Variants in CFAP97 observed in about 807,000 individuals in gnomAD.
CFAP97 encodes the protein cilia- and flagella-associated protein 97.
CFAP97 carries 36 observed loss-of-function variants against 43.1 expected under a neutral mutation model. The observed-to-expected ratio is 0.84, with a 90% CI of 0.64 to 1.10. CFAP97 has a LOEUF of 1.10. CFAP97 is among the 50% of genes least tolerant of loss of function. The probability of loss-of-function intolerance (pLI) is 0.00; values close to 1 mark genes in which losing one functional copy is unlikely to be tolerated. For synonymous variants in CFAP97, 228 were observed against 225.7 expected (o/e 1.01, Z -0.09); for missense variants, 657 against 620.3 (o/e 1.06, Z -0.63).
intron 1 of CFAP97, among the ~76,000 whole-genome samples, chr4:185,195,890 A>C (rs1268499541): frequency 6.6e-6 from 1 of 152,210 alleles, no homozygotes; most frequent in Non-Finnish European, 1.5e-5. Context: ...CAAAATGTCA[A>C]GGAGTGGAAT....
rs1273203728 is a variant in CFAP97, at chr4:185,175,839, G to A, written c.1267C>T (p.His423Tyr). Reference sequence around the variant, plus strand: ...TCCTTCTGTCTGTTGAGAGCACTGTGATATAACTTTGGGGGATGATCAGCC... The same window carrying A: ...TCCTTCTGTCTGTTGAGAGCACTGTAATATAACTTTGGGGGATGATCAGCC... ...RSADHPPKLY[H>Y]SALNRQKEQQ... The change falls in exon 3 of 5, where the codon CAC becomes TAC. Residue 423 changes from histidine (H) to tyrosine (Y), a missense_variant. Physicochemically the swap from His to Tyr is moderately conservative, Grantham distance 83 (BLOSUM62 2). Transcript: ENST00000458385. 2.5e-6 allele frequency: 4 copies of A among 1,613,820 alleles called. No individual in the cohort carries two copies. The highest frequency in any genetic ancestry group is 1.7e-5 in the Admixed American group (1 of 60,000).
intron 2 of CFAP97, among the ~76,000 whole-genome samples, chr4:185,181,046 T>G (rs1025421127): frequency 1.3e-5 from 2 of 152,066 alleles, no homozygotes; most frequent in African/African-American, 4.8e-5. Context: ...GAGTTTGTTT[T>G]GCAAGTCGTT....
intron 3 of CFAP97, among the ~76,000 whole-genome samples, chr4:185,174,352 G>A (rs1579236882): frequency 6.6e-6 from 1 of 152,092 alleles, no homozygotes; most frequent in African/African-American, 2.4e-5. Flanking sequence ...AGCTCCCACC[G>A]ACCTCATTTC....
chr4:185,184,256 G>C (rs1735919010), intron 2 of CFAP97, among the ~76,000 whole-genome samples: 1 of 152,198 alleles, frequency 6.6e-6, no homozygotes, highest in African/African-American at 2.4e-5. Flanking sequence ...ACTGAAGTTT[G>C]AGAAGCTCTC....
At chr4:185,175,666 C>T (rs192782051) in intron 3 of CFAP97, 120 bp downstream of exon 3, 60 of 864,534 alleles carry the variant, frequency 6.9e-5, no homozygotes, top group African/African-American at 6.0e-4. Context: ...CCACACATAC[C>T]GCACCTGCTT....
chr4:185,197,130 T>C (rs1165452650), intron 1 of CFAP97, among the ~76,000 whole-genome samples: 1 of 143,658 alleles, frequency 7.0e-6, no homozygotes, highest in African/African-American at 2.6e-5. Context: ...AAAAGACATG[T>C]AGCTTAAATT....
chr4:185,166,746 T>C lies in CFAP97; in HGVS notation c.1321-2567A>G, dbSNP rs187162748. 8.7e-4 allele frequency among the ~76,000 whole-genome samples: 133 copies of C among 152,286 alleles called. 1 individual carries two copies. The highest frequency in any genetic ancestry group is 3.4e-3 in the Middle Eastern group (1 of 292). On this transcript the variant is annotated intron_variant, in intron 3 of 4. Coordinates refer to ENST00000458385, the MANE Select transcript of CFAP97 (RefSeq NM_020827.3). ...ACCCAAATCACATGGAACAACACCATGTGTCCATCTGAGTGTTACATGAAT... is the reference window on the plus strand; with the variant it reads ...ACCCAAATCACATGGAACAACACCACGTGTCCATCTGAGTGTTACATGAAT...
chr4:185,186,382 A>G (rs1372312099), intron 2 of CFAP97, among the ~76,000 whole-genome samples: 1 of 152,146 alleles, frequency 6.6e-6, no homozygotes, highest in South Asian at 2.1e-4. Context: ...GCAGTGAGCC[A>G]AGCTCGCGCC....
Position 185,176,110 on chromosome 4 carries a change from T to TTTTG in CFAP97, c.1055-60_1055-59insCAAA, listed in dbSNP as rs1482400577. On this transcript the variant is annotated intron_variant, in intron 2 of 4. Coordinates refer to ENST00000458385, the MANE Select transcript of CFAP97 (RefSeq NM_020827.3). Reference sequence around the variant, plus strand: ...GCCAAAGTAAGTATGTGGTACATGCTTTTTTTTTTTTTCTCTTTTTAGACG... The same window carrying TTTTG: ...GCCAAAGTAAGTATGTGGTACATGCTTTTGTTTTTTTTTTTTCTCTTTTTAGACG... The TTTTG allele has an allele frequency of 7.6e-4, 385 of 509,072 alleles. 2 individuals are homozygous for TTTTG. Among genetic ancestry groups the TTTTG allele is most frequent in the African/African-American group, 4.8e-3 (84 of 17,444 alleles). The allele number at this position is 509,072 out of a possible 1,614,324, so 31.5% of individuals were successfully genotyped here. A position where few individuals can be genotyped will look rare whatever the true frequency, so the allele number is the denominator to read the frequency against.
At chr4:185,180,767 A>T (rs138091883) in intron 2 of CFAP97, among the ~76,000 whole-genome samples, 6 of 152,202 alleles carry the variant, frequency 3.9e-5, no homozygotes, top group African/African-American at 1.4e-4. Flanking sequence ...GAGATTGACT[A>T]AGTTAAAAAC....
rs1017571664 is a variant in CFAP97, at chr4:185,161,803, T to G, written c.*995A>C. On this transcript the variant is annotated 3_prime_UTR_variant, in exon 5 of 5. Transcript: ENST00000458385. Reference sequence around the variant, plus strand: ...TCAACAAATGTGTGATTTATTTCCCTTTTTGTTCAAATTTTAGTTTTTTCA... The same window carrying G: ...TCAACAAATGTGTGATTTATTTCCCGTTTTGTTCAAATTTTAGTTTTTTCA... 5 of 152,352 alleles carry G rather than the reference T, an allele frequency of 3.3e-5. No homozygotes were observed. The highest frequency in any genetic ancestry group is 1.2e-4 in the African/African-American group (5 of 41,590). The allele number at this position is 152,352 out of a possible 1,614,324, so 9.4% of individuals were successfully genotyped here. A position where few individuals can be genotyped will look rare whatever the true frequency, so the allele number is the denominator to read the frequency against.
intron 2 of CFAP97, among the ~76,000 whole-genome samples, chr4:185,179,546 C>A (rs2111354474): frequency 6.6e-6 from 1 of 152,224 alleles, no homozygotes; most frequent in East Asian, 1.9e-4. Flanking sequence ...TGTAAGAAGT[C>A]CAACTACCCT....
chr4:185,202,283 T>C (rs1324900673), intron 1 of CFAP97, among the ~76,000 whole-genome samples: 2 of 152,166 alleles, frequency 1.3e-5, no homozygotes, highest in African/African-American at 4.8e-5. Flanking sequence ...GTGGCTCATG[T>C]TACAGTCTCA....
At chr4:185,182,089 C>T (rs962426745) in intron 2 of CFAP97, 1 of 151,978 alleles carries the variant, frequency 6.6e-6, no homozygotes, top group African/African-American at 2.4e-5. Context: ...GATTTTGAGG[C>T]CATGTATTTC....
At chr4:185,193,404 C>T (rs1361812961) in intron 1 of CFAP97, among the ~76,000 whole-genome samples, 4 of 152,058 alleles carry the variant, frequency 2.6e-5, no homozygotes, top group Admixed American at 6.6e-5. Flanking sequence ...CCCAGCACTT[C>T]GGGAGGCAAA....
chr4:185,161,327 A>G lies in CFAP97; in HGVS notation c.*1471T>C, dbSNP rs1734865907. The G allele has an allele frequency of 6.6e-6, 1 of 152,330 alleles. No individual in the cohort carries two copies. Among genetic ancestry groups the G allele is most frequent in the East Asian group, 1.9e-4 (1 of 5,194 alleles). The allele number at this position is 152,330 out of a possible 1,614,324, so 9.4% of individuals were successfully genotyped here. A position where few individuals can be genotyped will look rare whatever the true frequency, so the allele number is the denominator to read the frequency against. ...TATGAATACAAACTAAATCCAAGAC[A>G]TGTTGAATTGATGTTTTGTAAAATG... On this transcript the variant is annotated 3_prime_UTR_variant, in exon 5 of 5. Transcript: ENST00000458385.
rs377386215 is a variant in CFAP97, at chr4:185,164,018, A to G, written c.1471+11T>C. On this transcript the variant is annotated intron_variant, in intron 4 of 4. Transcript: ENST00000458385. ...TACAAATAAGTATAAAATAATTTCC[A>G]AAATGCTTACTTAATGGGCTATATT... is the stretch of plus-strand genomic sequence containing the variant. 2 of 1,607,012 alleles carry G rather than the reference A, an allele frequency of 1.2e-6. No individual in the cohort carries two copies. The highest frequency in any genetic ancestry group is 8.5e-7 in the Non-Finnish European group (1 of 1,177,098).
At chr4:185,196,200 G>A (rs993106645) in intron 1 of CFAP97, among the ~76,000 whole-genome samples, 8 of 152,142 alleles carry the variant, frequency 5.3e-5, no homozygotes, top group Admixed American at 1.3e-4. Flanking sequence ...TAGGCCAGGT[G>A]CAGTGGCTCA....
intron 3 of CFAP97, among the ~76,000 whole-genome samples, chr4:185,167,324 C>T (rs1245915223): frequency 2.0e-5 from 3 of 151,928 alleles, no homozygotes; most frequent in South Asian, 2.1e-4. Context: ...AAAAATTAGC[C>T]GGGCGTGGTT....
Sources: gnomAD v4.1 joint callset for allele counts (sites outside exome capture counted in the v4.1 genomes callset) on GRCh38, gnomAD v4.1.1 for gene constraint, MANE v1.5 for transcripts, NCBI Gene and HGNC (gene_info 2026-07-23, HGNC 2026-07-21) for gene names.